The following ACBD6 variants were observed in gnomAD, a reference collection of about 807,000 sequenced individuals.
ACBD6 encodes acyl-CoA-binding domain-containing protein 6.
ACBD6 carries 28 observed loss-of-function variants against 37.2 expected under a neutral mutation model. The ratio of observed to expected loss-of-function variants is 0.75; its 90% CI spans 0.56 to 1.03. The LOEUF (loss-of-function observed/expected upper bound fraction) is 1.03, where lower values mean the gene tolerates loss of function less well. ACBD6 is among the 50% of genes least tolerant of loss of function. The pLI is 0.00. For synonymous variants in ACBD6, 113 were observed against 126.8 expected (o/e 0.89, Z 0.73); for missense variants, 340 against 337.4 (o/e 1.01, Z -0.06).
At chr1:180,390,394 T>C (rs1297702906) in intron 6 of ACBD6, among the ~76,000 whole-genome samples, 7 of 150,724 alleles carry the variant, frequency 4.6e-5, no homozygotes, top group Non-Finnish European at 8.9e-5. Context: ...CATGCTGTTT[T>C]GGTTACTGTA....
intron 4 of ACBD6, among the ~76,000 whole-genome samples, chr1:180,422,011 T>G (rs1017361511): frequency 5.0e-4 from 76 of 152,218 alleles, no homozygotes; most frequent in African/African-American, 1.7e-3. Context: ...ATCCTTCACC[T>G]TCCTTTTGCT....
intron 3 of ACBD6, among the ~76,000 whole-genome samples, chr1:180,477,010 C>T (rs753956585): frequency 4.6e-5 from 7 of 152,028 alleles, no homozygotes; most frequent in Non-Finnish European, 1.0e-4. Context: ...CATTATACCC[C>T]CTTATCCATG....
At position 180,405,506 on chromosome 1, in the gene ACBD6, T is replaced by C. The variant is rs115926878; in HGVS notation, c.573+7860A>G. ...TAGATAAGAATCTATGGAAAACCAA[T>C]GAACTATGTATGAATGCTTTTGGGG... On this transcript the variant is annotated intron_variant, in intron 5 of 7. Coordinates refer to ENST00000367595, the MANE Select transcript of ACBD6 (RefSeq NM_032360.4). 8.6e-3 allele frequency among the ~76,000 whole-genome samples: 1,308 copies of C among 152,264 alleles called. 22 individuals are homozygous for C. The highest frequency in any genetic ancestry group is 0.03 in the African/African-American group (1,256 of 41,570).
chr1:180,450,755 C>CA (rs899461121), intron 3 of ACBD6, among the ~76,000 whole-genome samples: 4 of 151,106 alleles, frequency 2.6e-5, no homozygotes, highest in Non-Finnish European at 5.9e-5. Context: ...GAGACTCTGT[C>CA]AAAAAAACAA....
At chr1:180,271,390 G>A in exon 14 of ACBD6, 1 of 1,614,206 alleles carries the variant, frequency 6.2e-7, no homozygotes, top group Admixed American at 1.7e-5. Context: ...ATGACTCAGA[G>A]GCTGGAGCTA....
intron 6 of ACBD6, among the ~76,000 whole-genome samples, chr1:180,387,621 G>A (rs1488094375): frequency 6.6e-6 from 1 of 152,182 alleles, no homozygotes; most frequent in Non-Finnish European, 1.5e-5. Flanking sequence ...CCTTGATGGG[G>A]AAGAGAAGCA....
chr1:180,439,241 G>A (rs371411319), intron 3 of ACBD6, among the ~76,000 whole-genome samples: 9 of 151,986 alleles, frequency 5.9e-5, no homozygotes, highest in Admixed American at 1.3e-4. Context: ...ACTCTTTACC[G>A]TAAATGGGAT....
chr1:180,287,675 G>C (rs1465419975), downstream of ACBD6, among the ~76,000 whole-genome samples: 1 of 129,490 alleles, frequency 7.7e-6, no homozygotes, highest in Non-Finnish European at 1.6e-5. Context: ...TTCCTTTCTT[G>C]TTTAGTGAAG....
intron 3 of ACBD6, among the ~76,000 whole-genome samples, chr1:180,477,566 T>C (rs1650847740): frequency 6.6e-6 from 1 of 152,160 alleles, no homozygotes; most frequent in Non-Finnish European, 1.5e-5. Flanking sequence ...GAGTTTATCA[T>C]TAGAACGAAT....
intron 3 of ACBD6, among the ~76,000 whole-genome samples, chr1:180,472,336 A>G (rs1454103166): frequency 6.6e-6 from 1 of 152,232 alleles, no homozygotes; most frequent in Non-Finnish European, 1.5e-5. Context: ...GGTAAACAAG[A>G]ATGGCTCAGA....
At chr1:180,371,508 C>T (rs913152147) in intron 6 of ACBD6, among the ~76,000 whole-genome samples, 2 of 152,118 alleles carry the variant, frequency 1.3e-5, no homozygotes, top group East Asian at 1.9e-4. Flanking sequence ...CAGCTCTCTC[C>T]TAACCTACCC....
At chr1:180,430,063 A>C (rs1433378025) in intron 4 of ACBD6, 117 bp downstream of exon 4, 7 of 862,446 alleles carry the variant, frequency 8.1e-6, no homozygotes, top group Non-Finnish European at 1.3e-5. Context: ...CAAATTGAAG[A>C]TTTCAGGATT....
intron 3 of ACBD6, among the ~76,000 whole-genome samples, chr1:180,459,698 A>T (rs1650057380): frequency 6.6e-6 from 1 of 152,272 alleles, no homozygotes; most frequent in African/African-American, 2.4e-5. Context: ...AGAAAAAATT[A>T]AAGTCAGTTT....
At chr1:180,413,255 T>C in intron 5 of ACBD6, 111 bp downstream of exon 5, 2 of 801,046 alleles carry the variant, frequency 2.5e-6, no homozygotes, top group Admixed American at 1.9e-5. Context: ...TGATATACTC[T>C]TAACCATACT....
At chr1:180,495,580 CT>C in intron 1 of ACBD6, 55 bp from the exon 2 acceptor site, 1 of 1,390,698 alleles carries the variant, frequency 7.2e-7, no homozygotes, top group Admixed American at 1.7e-5. Context: ...GTCTGGGAAA[CT>C]TTTCCTTTTC....
intron 3 of ACBD6, among the ~76,000 whole-genome samples, chr1:180,490,894 G>T (rs984967955): frequency 2.7e-4 from 41 of 150,248 alleles, no homozygotes; most frequent in African/African-American, 9.8e-4. Flanking sequence ...GGAGGTGGAG[G>T]TTACGTTGAG....
At chr1:180,457,121 TC>T (rs1649956470) in intron 3 of ACBD6, among the ~76,000 whole-genome samples, 1 of 151,896 alleles carries the variant, frequency 6.6e-6, no homozygotes, top group Admixed American at 6.6e-5. Context: ...GTATGGCATA[TC>T]AAAAACTGAA....
chr1:180,331,194 C>G (rs1307116872), intron 6 of ACBD6, among the ~76,000 whole-genome samples: 1 of 152,170 alleles, frequency 6.6e-6, no homozygotes, highest in Non-Finnish European at 1.5e-5. Flanking sequence ...ACAAGTAACT[C>G]AGGACATTCC....
intron 3 of ACBD6, among the ~76,000 whole-genome samples, chr1:180,433,340 T>C (rs144248836): frequency 1.3e-5 from 2 of 152,230 alleles, no homozygotes; most frequent in African/African-American, 4.8e-5. Flanking sequence ...AAATTCAACA[T>C]GTGTTCATGA....
Sources: gnomAD v4.1 joint callset for allele counts (sites outside exome capture counted in the v4.1 genomes callset) on GRCh38, gnomAD v4.1.1 for gene constraint, MANE v1.5 for transcripts, NCBI Gene and HGNC (gene_info 2026-07-23, HGNC 2026-07-21) for gene names.